The following DNM3 variants were observed in gnomAD, a reference collection of about 807,000 sequenced individuals.
DNM3 encodes dynamin-3.
In DNM3, 47 loss-of-function variants were observed where a neutral mutation model predicts 101.6. That is an observed-to-expected ratio of 0.46 (90% CI 0.37 to 0.59). The LOEUF is 0.59. Among genes scored for constraint, DNM3 ranks in the 20% least tolerant of loss-of-function variants. DNM3 has a pLI of 0.00. For synonymous variants in DNM3, 385 were observed against 387.9 expected (o/e 0.99, Z 0.09); for missense variants, 849 against 1,085.7 (o/e 0.78, Z 3.06).
chr1:172,227,752 T>C (rs576633767), intron 14 of DNM3, among the ~76,000 whole-genome samples: 57 of 152,248 alleles, frequency 3.7e-4, no homozygotes, highest in Non-Finnish European at 7.6e-4. Flanking sequence ...GATAGATATA[T>C]TTTGAATTTT....
intron 2 of DNM3, among the ~76,000 whole-genome samples, chr1:171,928,395 G>A (rs1463318045): frequency 6.6e-6 from 1 of 152,106 alleles, no homozygotes; most frequent in Non-Finnish European, 1.5e-5. Context: ...GACCTTAGTA[G>A]TGATTGTGGC....
At chr1:171,863,670 A>G (rs1445845297) in intron 1 of DNM3, among the ~76,000 whole-genome samples, 1 of 152,044 alleles carries the variant, frequency 6.6e-6, no homozygotes, top group African/African-American at 2.4e-5. Flanking sequence ...TTCTCCTTCT[A>G]TGCACTGGGG....
At chr1:172,170,984 T>C (rs2058937090) in intron 14 of DNM3, among the ~76,000 whole-genome samples, 1 of 151,858 alleles carries the variant, frequency 6.6e-6, no homozygotes, top group Middle Eastern at 3.2e-3. Context: ...TTATTTTTCA[T>C]GAGCCTGGAG....
intron 4 of DNM3, among the ~76,000 whole-genome samples, chr1:171,996,249 T>C (rs2045987557): frequency 6.6e-6 from 1 of 152,162 alleles, no homozygotes; most frequent in African/African-American, 2.4e-5. Context: ...TCAAGGGGAA[T>C]GGCTATATAA....
chr1:171,888,007 T>C (rs1430617420), intron 1 of DNM3, among the ~76,000 whole-genome samples: 1 of 152,080 alleles, frequency 6.6e-6, no homozygotes, highest in African/African-American at 2.4e-5. Flanking sequence ...GTCTTGTATT[T>C]GAATACCCAT....
intron 9 of DNM3, among the ~76,000 whole-genome samples, chr1:172,046,620 A>G (rs2125854444): frequency 6.6e-6 from 1 of 152,302 alleles, no homozygotes; most frequent in South Asian, 2.1e-4. Flanking sequence ...ACAAATCTCA[A>G]ATAGTATGGG....
rs993199587 is a variant in DNM3, at chr1:172,038,400, G to C, written c.931G>C (p.Val311Leu). Reference sequence around the variant, plus strand: ...ACAGTTGCTCTCCATAGAACATGAAGTAGAAGCCTACAAAAATTTCAAACC... The same window carrying C: ...ACAGTTGCTCTCCATAGAACATGAACTAGAAGCCTACAAAAATTTCAAACC... Reference protein sequence around the residue: ...QGQLLSIEHEVEAYKNFKPED... With the variant: ...QGQLLSIEHELEAYKNFKPED... The change falls in exon 7 of 21, where the codon GTA becomes CTA. Residue 311 changes from valine (V) to leucine (L), a missense_variant. This residue lies in a region of DNM3 where 388 missense variants were observed against 483.0 expected (regional missense o/e 0.80). Coordinates refer to ENST00000627582, the MANE Select transcript of DNM3 (RefSeq NM_015569.5). 6.2e-7 allele frequency: 1 copy of C among 1,613,394 alleles called. No homozygotes were observed. Among genetic ancestry groups the C allele is most frequent in the African/African-American group, 1.3e-5 (1 of 74,980 alleles).
At chr1:172,275,047 A>G (rs1008938205) in intron 15 of DNM3, among the ~76,000 whole-genome samples, 3 of 152,084 alleles carry the variant, frequency 2.0e-5, no homozygotes, top group African/African-American at 7.2e-5. Flanking sequence ...AATTTGCCAC[A>G]TGCACTGTCT....
chr1:172,418,293 T>G (rs112122140), exon 21 of DNM3: 58,461 of 1,288,954 alleles, frequency 0.045, 1,518 homozygotes, highest in Non-Finnish European at 0.05. Context: ...GACCCCCTCC[T>G]GCAGTTCCAG....
chr1:171,938,150 A>G (rs2041576546), intron 2 of DNM3, among the ~76,000 whole-genome samples: 1 of 152,134 alleles, frequency 6.6e-6, no homozygotes, highest in African/African-American at 2.4e-5. Flanking sequence ...CACTCATTCA[A>G]TGTTGAACTG....
chr1:171,884,602 G>A (rs1002180384), intron 1 of DNM3, among the ~76,000 whole-genome samples: 1 of 152,140 alleles, frequency 6.6e-6, no homozygotes, highest in South Asian at 2.1e-4. Flanking sequence ...GTTGGTCTGG[G>A]CTCAGTAGGG....
At chr1:172,380,464 A>T (rs1350324548) in intron 18 of DNM3, among the ~76,000 whole-genome samples, 1 of 152,106 alleles carries the variant, frequency 6.6e-6, no homozygotes, top group Non-Finnish European at 1.5e-5. Flanking sequence ...ATTTTCATAC[A>T]CGTATGTATT....
chr1:171,945,626 G>T (rs149559676), intron 2 of DNM3, among the ~76,000 whole-genome samples: 49 of 152,304 alleles, frequency 3.2e-4, no homozygotes, highest in Non-Finnish European at 6.3e-4. Context: ...TAGAAGTTGA[G>T]TTGGTAGTCT....
intron 17 of DNM3, among the ~76,000 whole-genome samples, chr1:172,349,791 T>G (rs1348882003): frequency 6.6e-6 from 1 of 152,150 alleles, no homozygotes; most frequent in Non-Finnish European, 1.5e-5. Flanking sequence ...CAAAGACTAT[T>G]TTTGCCTTTA....
At chr1:171,997,901 T>G (rs1229503853) in intron 4 of DNM3, among the ~76,000 whole-genome samples, 1 of 152,166 alleles carries the variant, frequency 6.6e-6, no homozygotes, top group Non-Finnish European at 1.5e-5. Context: ...ATGAACATTT[T>G]CATGTTTTAG....
intron 17 of DNM3, among the ~76,000 whole-genome samples, chr1:172,377,567 T>G (rs1167476534): frequency 6.9e-6 from 1 of 144,670 alleles, no homozygotes; most frequent in Non-Finnish European, 1.5e-5. Context: ...TATATATATA[T>G]ATATATATAT....
chr1:172,327,667 T>C (rs2065993419), intron 17 of DNM3, among the ~76,000 whole-genome samples: 1 of 152,166 alleles, frequency 6.6e-6, no homozygotes, highest in South Asian at 2.1e-4. Context: ...ATAATGTGTG[T>C]GCTTTCCCTG....
intron 15 of DNM3, among the ~76,000 whole-genome samples, chr1:172,280,150 TC>T (rs2063435803): frequency 6.6e-6 from 1 of 152,106 alleles, no homozygotes; most frequent in Admixed American, 6.6e-5. Flanking sequence ...GAATATTCTT[TC>T]CCAGAAACTC....
At chr1:172,141,193 TCTAA>T (rs1406064069) in intron 14 of DNM3, among the ~76,000 whole-genome samples, 3 of 152,132 alleles carry the variant, frequency 2.0e-5, no homozygotes, top group East Asian at 3.8e-4. Context: ...CTTCGTTATC[TCTAA>T]CTATTAAAAC....
Sources: allele counts gnomAD v4.1 joint callset (sites outside exome capture counted in the v4.1 genomes callset), GRCh38; gene constraint gnomAD v4.1.1; regional missense constraint gnomAD v4.1.1; transcripts MANE v1.5; gene names NCBI Gene and HGNC (gene_info 2026-07-23, HGNC 2026-07-21).